The following PDCD7 variants were observed in gnomAD, a reference collection of about 807,000 sequenced individuals.
The protein encoded by PDCD7 is programmed cell death protein 7.
A neutral mutation model predicts 42.1 loss-of-function variants in PDCD7; 40 were observed. That is an observed-to-expected ratio of 0.95 (90% CI 0.74 to 1.24). The LOEUF (loss-of-function observed/expected upper bound fraction) is 1.24. Ranked by LOEUF, PDCD7 falls within the 50% of genes most tolerant of loss-of-function variation. The probability of loss-of-function intolerance (pLI) is 0.00; values close to 1 mark genes in which losing one functional copy is unlikely to be tolerated. For synonymous variants in PDCD7, 299 were observed against 303.3 expected (o/e 0.99, Z 0.15); for missense variants, 644 against 662.8 (o/e 0.97, Z 0.31).
chr15:65,130,154 CTTTTTTTTTTTTTT>C (rs886281618), intron 1 of PDCD7, among the ~76,000 whole-genome samples: 1 of 103,662 alleles, frequency 9.6e-6, no homozygotes. Context: ...CCCCAACCCT[CTTTTTTTTTTTTTT>C]TTTTTTTTTG....
intron 2 of PDCD7, among the ~76,000 whole-genome samples, chr15:65,122,591 G>GA (rs1463190220): frequency 1.3e-5 from 2 of 152,096 alleles, no homozygotes; most frequent in Non-Finnish European, 2.9e-5. Flanking sequence ...CAATACACTA[G>GA]AATATACTTA....
At chr15:65,119,573 A>C in intron 3 of PDCD7, 110 bp from the exon 4 acceptor site, 2 of 1,213,464 alleles carry the variant, frequency 1.6e-6, no homozygotes, top group East Asian at 2.3e-5. Context: ...AATGTGTTCT[A>C]TCTGTATCCA....
At chr15:65,126,344 C>T (rs1445603357) in intron 2 of PDCD7, among the ~76,000 whole-genome samples, 2 of 152,152 alleles carry the variant, frequency 1.3e-5, no homozygotes, top group Non-Finnish European at 2.9e-5. Context: ...TGACTCATGG[C>T]TACATGCTAA....
chr15:65,119,396 C>G lies in PDCD7; in HGVS notation c.1314G>C (p.Leu438=), dbSNP rs781250943. The G allele has an allele frequency of 5.0e-6, 8 of 1,613,758 alleles. No individual in the cohort carries two copies. The Admixed American group carries it at 1.3e-4, about 27-fold the overall frequency. Residue 438 remains leucine (L), a synonymous_variant, in exon 4 of 5, where the codon CTG becomes CTC. Coordinates refer to ENST00000204549, the MANE Select transcript of PDCD7 (RefSeq NM_005707.2). ...CTGACCTGATCTGGATGAGCGCTGG[C>G]AGGGAGTGCTCGGCTTGGAGATAAT... The part of the protein sequence containing the change: ...RQYYLQAEHS[L]PALIQIRHDW...
chr15:65,128,062 A>G (rs1425290463), intron 2 of PDCD7, among the ~76,000 whole-genome samples: 1 of 152,226 alleles, frequency 6.6e-6, no homozygotes, highest in African/African-American at 2.4e-5. Flanking sequence ...GGTGAATACA[A>G]AATGGTCATA....
At chr15:65,130,835 T>G (rs1214016855) in intron 1 of PDCD7, among the ~76,000 whole-genome samples, 2 of 151,522 alleles carry the variant, frequency 1.3e-5, no homozygotes, top group Admixed American at 1.3e-4. Context: ...AGTGCGAGAC[T>G]CTGTCTCAGA....
intron 1 of PDCD7, 56 bp downstream of exon 1, chr15:65,132,856 T>C: frequency 6.3e-7 from 1 of 1,589,510 alleles, no homozygotes; most frequent in Non-Finnish European, 8.5e-7. Context: ...AGCCTCCTGC[T>C]GCTCCAGGTT....
chr15:65,120,413 A>C (rs1378158861), intron 2 of PDCD7, among the ~76,000 whole-genome samples: 2 of 151,880 alleles, frequency 1.3e-5, no homozygotes, highest in African/African-American at 2.4e-5. Flanking sequence ...TGGCCTCCCT[A>C]AGTGCTGGGA....
At chr15:65,131,091 G>A (rs1052741500) in intron 1 of PDCD7, among the ~76,000 whole-genome samples, 12 of 152,132 alleles carry the variant, frequency 7.9e-5, no homozygotes, top group Non-Finnish European at 1.8e-4. Context: ...AGGCAGGCGA[G>A]CAAGTGAAGC....
chr15:65,132,085 CACAT>C (rs1485678048), intron 1 of PDCD7, among the ~76,000 whole-genome samples: 5 of 139,342 alleles, frequency 3.6e-5, no homozygotes, highest in Non-Finnish European at 7.7e-5. Context: ...CATATATATA[CACAT>C]ACATATATGT....
At chr15:65,132,287 A>ATTT (rs775081541) in intron 1 of PDCD7, among the ~76,000 whole-genome samples, 2 of 139,942 alleles carry the variant, frequency 1.4e-5, no homozygotes, top group Non-Finnish European at 3.1e-5. Context: ...CAAGTTCTCT[A>ATTT]TTTTTTTTTT....
Position 65,119,768 on chromosome 15 carries a change from T to G in PDCD7, c.1196A>C (p.Lys399Thr). Residue 399 changes from lysine to threonine, a missense_variant, in exon 3 of 5, where the codon AAA becomes ACA. By Grantham distance (78) the Lys-to-Thr change is moderately conservative (BLOSUM62 -1). Transcript: ENST00000204549. ...AATTTCACGTTTCTGAAGTAAAATT[T>G]TCTCTTTTTCTTTTCTTTGTTTCTT... The part of the protein sequence containing the change: ...LEKKQRKEKE[K>T]ILLQKREIES... The G allele has an allele frequency of 6.2e-7, 1 of 1,612,332 alleles. No homozygotes were observed. Among genetic ancestry groups the G allele is most frequent in the South Asian group, 1.1e-5 (1 of 90,512 alleles).
intron 1 of PDCD7, 98 bp from the exon 2 acceptor site, chr15:65,129,268 T>C (rs2087520772): frequency 7.4e-7 from 1 of 1,355,822 alleles, no homozygotes. Context: ...TCAGACAGTC[T>C]CCAGGTTAAG....
At chr15:65,129,288 AT>A in intron 1 of PDCD7, 118 bp from the exon 2 acceptor site, 1 of 1,121,266 alleles carries the variant, frequency 8.9e-7, no homozygotes, top group South Asian at 1.5e-5. Context: ...GAGAGACTCT[AT>A]TGAATCTCCA....
In PDCD7 at chr15:65,131,006, G is replaced by C. The variant is rs139275987; in HGVS notation, c.871-1836C>G. 9.6e-3 allele frequency among the ~76,000 whole-genome samples: 1,460 copies of C among 152,164 alleles called. 28 individuals are homozygous for C. The highest frequency in any genetic ancestry group is 0.029 in the African/African-American group (1,195 of 41,496). ...GATCTCCCACAGATCTCTAAGCCAG[G>C]GGTCAACAAACCCCAGGCCACGGAT... On this transcript the variant is annotated intron_variant, in intron 1 of 4. Coordinates refer to ENST00000204549, the MANE Select transcript of PDCD7 (RefSeq NM_005707.2).
intron 2 of PDCD7, 86 bp downstream of exon 2, chr15:65,128,945 AT>A: frequency 6.8e-7 from 1 of 1,462,264 alleles, no homozygotes; most frequent in Non-Finnish European, 9.4e-7. Flanking sequence ...AGTTTCAAGT[AT>A]TTTTCCCTCA....
At chr15:65,123,423 T>C (rs2087472805) in intron 2 of PDCD7, among the ~76,000 whole-genome samples, 1 of 152,176 alleles carries the variant, frequency 6.6e-6, no homozygotes, top group African/African-American at 2.4e-5. Flanking sequence ...CCTGACCTCA[T>C]GATCCTCCCA....
chr15:65,130,154 CTTTTTTTTTTT>C (rs886281618), intron 1 of PDCD7, among the ~76,000 whole-genome samples: 1 of 103,662 alleles, frequency 9.6e-6, no homozygotes, highest in African/African-American at 3.8e-5. Flanking sequence ...CCCCAACCCT[CTTTTTTTTTTT>C]TTTTTTTTTT....
Position 65,133,333 on chromosome 15 carries a change from A to C in PDCD7, c.449T>G (p.Val150Gly), listed in dbSNP as rs1006680116. The C allele has an allele frequency of 7.8e-7, 1 of 1,282,964 alleles. No individual in the cohort carries two copies. Among genetic ancestry groups the C allele is most frequent in the Non-Finnish European group, 9.8e-7 (1 of 1,017,326 alleles). 79.5% of individuals were successfully genotyped at this position (1,282,964 alleles called of 1,614,324 possible). The change falls in exon 1 of 5, where the codon GTG (valine) becomes GGG (glycine). Residue 150 changes from valine to glycine, a missense_variant. Val to Gly is a moderately radical substitution (Grantham distance 109). Coordinates refer to ENST00000204549, the MANE Select transcript of PDCD7 (RefSeq NM_005707.2). ...RLRDRQWLEA[V>G]FGTPRRAGCP... ...GCCTGCCCGCCGCGGGGTCCCGAACACCGCCTCCAGCCACTGCCGGTCGCG... is the reference window on the plus strand; with the variant it reads ...GCCTGCCCGCCGCGGGGTCCCGAACCCCGCCTCCAGCCACTGCCGGTCGCG...
Sources: allele counts gnomAD v4.1 joint callset (sites outside exome capture counted in the v4.1 genomes callset), GRCh38; gene constraint gnomAD v4.1.1; transcripts MANE v1.5; gene names NCBI Gene and HGNC (gene_info 2026-07-23, HGNC 2026-07-21).